SESN3: variants seen among roughly 807,000 people sequenced by gnomAD.
SESN3 encodes sestrin-3.
Under a neutral mutation model 55.3 loss-of-function variants are expected in SESN3, and 21 were observed. The observed-to-expected ratio is 0.38, with a 90% CI of 0.27 to 0.55. The LOEUF (loss-of-function observed/expected upper bound fraction) is 0.55. SESN3 is among the 20% of genes least tolerant of loss of function. The pLI is 0.76. For synonymous variants in SESN3, 181 were observed against 203.1 expected (o/e 0.89, Z 0.93); for missense variants, 408 against 604.3 (o/e 0.68, Z 3.41).
chr11:95,180,579 A>AT (rs984950082), intron 6 of SESN3, among the ~76,000 whole-genome samples: 7 of 152,142 alleles, frequency 4.6e-5, no homozygotes, highest in African/African-American at 9.6e-5. Context: ...CTTACTATCT[A>AT]TTTTTTGTTT....
chr11:95,204,089 C>G (rs1860505325), intron 1 of SESN3: 1 of 152,064 alleles, frequency 6.6e-6, no homozygotes, highest in African/African-American at 2.4e-5. Flanking sequence ...CTAAAGTATA[C>G]AGCAGGTAGA....
chr11:95,190,800 T>C (rs1032662291), intron 3 of SESN3, among the ~76,000 whole-genome samples: 6 of 152,154 alleles, frequency 3.9e-5, no homozygotes, highest in Admixed American at 6.6e-5. Flanking sequence ...TCTCCAAATA[T>C]ATAGCACTTT....
chr11:95,210,017 CAAAA>C (rs71036380), intron 1 of SESN3, among the ~76,000 whole-genome samples: 1 of 60,188 alleles, frequency 1.7e-5, no homozygotes, highest in Non-Finnish European at 3.0e-5. Flanking sequence ...AACTCCATCT[CAAAA>C]AAAAAAAAAA....
chr11:95,224,995 G>A lies in SESN3; in HGVS notation c.78+5788C>T, dbSNP rs181884056. Among the ~76,000 whole-genome samples the A allele has an allele frequency of 7.6e-4, 115 of 152,194 alleles. 1 individual carries two copies. The highest frequency in any genetic ancestry group is 2.6e-3 in the African/African-American group (106 of 41,526). On this transcript the variant is annotated intron_variant, in intron 1 of 9. Transcript: ENST00000536441. ...TTATACGCATTCCATTTTGTCATAC[G>A]GGGTATTAAAAAGATGCACACAAAA...
intron 6 of SESN3, among the ~76,000 whole-genome samples, chr11:95,183,613 C>G (rs1392020508): frequency 6.8e-6 from 1 of 147,444 alleles, no homozygotes; most frequent in African/African-American, 2.5e-5. Context: ...ACCTAGGAGA[C>G]GGAGGTTGCA....
At chr11:95,207,777 A>T (rs1291836564) in intron 1 of SESN3, among the ~76,000 whole-genome samples, 1 of 151,442 alleles carries the variant, frequency 6.6e-6, no homozygotes, top group Non-Finnish European at 1.5e-5. Context: ...GAAGAACTGT[A>T]ATTTTAAATA....
At chr11:95,221,595 T>C (rs1255126970) in intron 1 of SESN3, among the ~76,000 whole-genome samples, 1 of 152,238 alleles carries the variant, frequency 6.6e-6, no homozygotes, top group Non-Finnish European at 1.5e-5. Flanking sequence ...TTTATACTTG[T>C]TAAGAAGTCT....
chr11:95,215,749 A>C (rs2134260566), intron 1 of SESN3, among the ~76,000 whole-genome samples: 1 of 152,348 alleles, frequency 6.6e-6, no homozygotes, highest in East Asian at 1.9e-4. Context: ...TAGAAAAGGT[A>C]TGTATCAAGT....
At chr11:95,206,227 C>G (rs1462690777) in intron 1 of SESN3, among the ~76,000 whole-genome samples, 1 of 151,924 alleles carries the variant, frequency 6.6e-6, no homozygotes, top group Non-Finnish European at 1.5e-5. Context: ...ATCAGGTGCC[C>G]AATAAATGTT....
intron 9 of SESN3, among the ~76,000 whole-genome samples, chr11:95,174,766 C>G (rs1479718074): frequency 6.6e-6 from 1 of 151,980 alleles, no homozygotes; most frequent in Admixed American, 6.6e-5. Context: ...GGATTACAGG[C>G]GGGAGCCACT....
intron 6 of SESN3, among the ~76,000 whole-genome samples, chr11:95,181,829 T>C (rs928090716): frequency 3.9e-5 from 6 of 152,138 alleles, no homozygotes; most frequent in African/African-American, 1.2e-4. Flanking sequence ...TTTTAAAACA[T>C]GGTAAGTCTA....
chr11:95,220,278 T>A (rs1048735871), intron 1 of SESN3, among the ~76,000 whole-genome samples: 3 of 152,214 alleles, frequency 2.0e-5, no homozygotes, highest in Admixed American at 2.0e-4. Context: ...TACCAAAAAG[T>A]AAGAATATTT....
At chr11:95,218,058 T>C (rs1860792189) in intron 1 of SESN3, among the ~76,000 whole-genome samples, 1 of 152,220 alleles carries the variant, frequency 6.6e-6, no homozygotes, top group Admixed American at 6.5e-5. Flanking sequence ...TTGTCCCCTC[T>C]GGAGTAAGTG....
In SESN3 at chr11:95,165,680, T is replaced by C. The variant is rs1228115351; in HGVS notation, c.*7575A>G. ...CTATAAATAGATTTTCAAAATGTCATAAAAAGTGCAGTTATGAATTGTTAA... is the reference window on the plus strand; with the variant it reads ...CTATAAATAGATTTTCAAAATGTCACAAAAAGTGCAGTTATGAATTGTTAA... On this transcript the variant is annotated 3_prime_UTR_variant, in exon 10 of 10. Transcript: ENST00000536441. The C allele has an allele frequency of 6.6e-6, 1 of 152,174 alleles. No homozygotes were observed. Among genetic ancestry groups the C allele is most frequent in the Non-Finnish European group, 1.5e-5 (1 of 68,012 alleles). The allele number at this position is 152,174 out of a possible 1,614,324, so 9.4% of individuals were successfully genotyped here.
At chr11:95,227,132 A>G (rs1860960562) in intron 1 of SESN3, among the ~76,000 whole-genome samples, 1 of 152,162 alleles carries the variant, frequency 6.6e-6, no homozygotes, top group Admixed American at 6.5e-5. Flanking sequence ...CTATTACTTA[A>G]CAATTTTGAC....
chr11:95,191,762 A>G (rs1428777048), intron 2 of SESN3, among the ~76,000 whole-genome samples, 161 bp from the exon 3 acceptor site: 1 of 152,134 alleles, frequency 6.6e-6, no homozygotes, highest in Non-Finnish European at 1.5e-5. Context: ...TAAAAAAAGA[A>G]AGCACCATTC....
At position 95,191,566 on chromosome 11, in the gene SESN3, G is replaced by C. The variant is rs1860268644; in HGVS notation, c.180C>G (p.Asn60Lys). Reference sequence around the variant, plus strand: ...ATGTAGAGTATTCTTCCACAAGAAAGTTAGTACGTTCATCCACTGTGTTTG... The same window carrying C: ...ATGTAGAGTATTCTTCCACAAGAAACTTAGTACGTTCATCCACTGTGTTTG... Reference protein sequence around the residue: ...VQANTVDERTNFLVEEYSTSG... With the variant: ...VQANTVDERTKFLVEEYSTSG... The change falls in exon 3 of 10, where the codon AAC becomes AAG. Residue 60 changes from asparagine (N) to lysine (K), a missense_variant. This residue lies in a region of SESN3 where 107 missense variants were observed against 211.3 expected (regional missense o/e 0.51). Transcript: ENST00000536441. 6.2e-7 allele frequency: 1 copy of C among 1,612,726 alleles called. No individual in the cohort carries two copies. Among genetic ancestry groups the C allele is most frequent in the Non-Finnish European group, 8.5e-7 (1 of 1,179,156 alleles).
rs34308912 is a variant in SESN3, at chr11:95,183,681, C to CAA, written c.937+737_937+738dup. Among the ~76,000 whole-genome samples, 153 of 93,174 alleles carry CAA rather than the reference C, an allele frequency of 1.6e-3. 1 individual carries two copies. Among genetic ancestry groups the CAA allele is most frequent in the Non-Finnish European group, 2.8e-3 (123 of 44,392 alleles). 61.1% of individuals were successfully genotyped at this position (93,174 alleles called of 152,430 possible). A position where few individuals can be genotyped will look rare whatever the true frequency, so the allele number is the denominator to read the frequency against. On this transcript the variant is annotated intron_variant, in intron 6 of 9. Coordinates refer to ENST00000536441, the MANE Select transcript of SESN3 (RefSeq NM_144665.4). ...TGGGTGACAGAGCAAGACTCTGTCT[C>CAA]AAAAAAAAAAAAAAAAAAAAGTTAT...
chr11:95,204,497 T>G (rs1860513040), intron 1 of SESN3, among the ~76,000 whole-genome samples: 1 of 151,996 alleles, frequency 6.6e-6, no homozygotes, highest in Non-Finnish European at 1.5e-5. Flanking sequence ...CCCTCAAAAT[T>G]CGTATGTTGA....
Sources: gnomAD v4.1 joint callset for allele counts (sites outside exome capture counted in the v4.1 genomes callset) on GRCh38, gnomAD v4.1.1 for gene constraint, gnomAD v4.1.1 regional missense constraint, MANE v1.5 for transcripts, NCBI Gene and HGNC (gene_info 2026-07-23, HGNC 2026-07-21) for gene names.